The following FBXO46 variants were observed in gnomAD, a reference collection of about 807,000 sequenced individuals.
The protein encoded by FBXO46 is F-box only protein 46.
FBXO46 carries 13 observed loss-of-function variants against 30.7 expected under a neutral mutation model. The observed-to-expected ratio is 0.42, with a 90% CI of 0.28 to 0.67. FBXO46 has a LOEUF of 0.67. FBXO46 is among the 30% of genes least tolerant of loss of function. The pLI, the probability that FBXO46 is intolerant of heterozygous loss-of-function variation, is 0.21. For synonymous variants in FBXO46, 467 were observed against 385.8 expected (o/e 1.21, Z -2.47); for missense variants, 754 against 871.5 (o/e 0.87, Z 1.70).
chr19:45,714,328 G>A (rs1471958770), intron 1 of FBXO46: 3 of 151,952 alleles, frequency 2.0e-5, no homozygotes, highest in African/African-American at 4.8e-5. Context: ...GGATGGGGAT[G>A]AAAATCTGAG....
chr19:45,726,657 ATTGT>A (rs1192494298), intron 1 of FBXO46, among the ~76,000 whole-genome samples: 1 of 151,516 alleles, frequency 6.6e-6, no homozygotes, highest in Non-Finnish European at 1.5e-5. Context: ...AAAAAAAAAA[ATTGT>A]TTGTAGAGAT....
In FBXO46 at chr19:45,711,599, G is replaced by C. The variant is rs1245291246; in HGVS notation, c.*85C>G. ...AATGCTGCCTGGAGTAGGGGAATGGGCAGGCGGCCCAGTCCGGACCCTCGG... is the reference window on the plus strand; with the variant it reads ...AATGCTGCCTGGAGTAGGGGAATGGCCAGGCGGCCCAGTCCGGACCCTCGG... On this transcript the variant is annotated 3_prime_UTR_variant, in exon 2 of 2. Transcript: ENST00000317683. 8 of 1,048,896 alleles carry C rather than the reference G, an allele frequency of 7.6e-6. No individual in the cohort carries two copies. In the African/African-American group the frequency reaches 1.1e-4, roughly 14 times the overall value. The allele number at this position is 1,048,896 out of a possible 1,614,324, so 65.0% of individuals were successfully genotyped here.
intron 1 of FBXO46, among the ~76,000 whole-genome samples, chr19:45,718,396 A>C (rs1968129425): frequency 2.0e-5 from 3 of 152,060 alleles, no homozygotes; most frequent in Non-Finnish European, 4.4e-5. Flanking sequence ...CTGGGGTTTC[A>C]GCTCGACCAC....
rs781042109 is a variant in FBXO46, at chr19:45,712,837, C to T, written c.659G>A (p.Gly220Asp). 2.5e-6 allele frequency: 4 copies of T among 1,613,074 alleles called. No homozygotes were observed. Among genetic ancestry groups the T allele is most frequent in the Admixed American group, 1.7e-5 (1 of 59,984 alleles). The part of the protein sequence containing the change: ...AKGVGSERRS[G>D]GGDCSRVAEA... ...GGCTACACGGCTGCAGTCCCCACCACCGGACCGCCGTTCAGATCCCACCCC... is the reference window on the plus strand; with the variant it reads ...GGCTACACGGCTGCAGTCCCCACCATCGGACCGCCGTTCAGATCCCACCCC... The change falls in exon 2 of 2, where the codon GGT becomes GAT. Residue 220 changes from glycine (G) to aspartate (D), a missense_variant. Gly to Asp is a moderately conservative substitution (Grantham distance 94, BLOSUM62 -1). Around this residue, in one of 5 missense-constraint regions of FBXO46, gnomAD observed 454 missense variants for 426.5 expected, o/e 1.06. Coordinates refer to ENST00000317683, the MANE Select transcript of FBXO46 (RefSeq NM_001080469.2). This position sits in a 1 kb window ranked among gnomAD's most constrained non-coding sequence, Gnocchi z 8.8.
chr19:45,712,977 G>A lies in FBXO46; in HGVS notation c.519C>T (p.Ala173=), dbSNP rs778727139. Residue 173 remains alanine, a synonymous_variant, in exon 2 of 2, where the codon GCC becomes GCT. Coordinates refer to ENST00000317683, the MANE Select transcript of FBXO46 (RefSeq NM_001080469.2). This position sits in a 1 kb window ranked among gnomAD's most constrained non-coding sequence, Gnocchi z 8.8. ...GCTGTTCCACCAGGGCCACCATCTC[G>A]GCCACAGAGAGCAGGTCCACGTCCT... ...AGEDVDLLSV[A]EMVALVEQRA... The A allele has an allele frequency of 2.2e-5, 35 of 1,577,808 alleles. No homozygotes were observed. The highest frequency in any genetic ancestry group is 2.8e-5 in the Non-Finnish European group (32 of 1,161,206).
At chr19:45,732,001 C>T (rs990864297), upstream of FBXO46, among the ~76,000 whole-genome samples, 22 of 151,634 alleles carry the variant, frequency 1.5e-4, 1 homozygote, top group Admixed American at 1.2e-3. Context: ...CCTGTAGTCC[C>T]AGCTACTCGG....
intron 1 of FBXO46, among the ~76,000 whole-genome samples, chr19:45,727,756 A>G (rs1011169257): frequency 5.3e-5 from 8 of 152,212 alleles, no homozygotes; most frequent in African/African-American, 1.9e-4. Context: ...GTGAATTTAC[A>G]AAGTTGTCAA....
Position 45,711,740 on chromosome 19 carries a change from C to T in FBXO46, c.1756G>A (p.Val586Met). Reference protein sequence around the residue: ...CRLGLHDNNWVLPCNGPGGGR... With the variant: ...CRLGLHDNNWMLPCNGPGGGR... ...CCGCCTGGCCCATTGCAGGGCAGCA[C>T]CCAGTTGTTATCGTGGAGGCCCAGG... Residue 586 changes from valine to methionine, a missense_variant, in exon 2 of 2, where the codon GTG becomes ATG. Val to Met is a conservative substitution (Grantham distance 21). Coordinates refer to ENST00000317683, the MANE Select transcript of FBXO46 (RefSeq NM_001080469.2). The T allele has an allele frequency of 6.4e-7, 1 of 1,562,072 alleles. No individual in the cohort carries two copies. The highest frequency in any genetic ancestry group is 8.6e-7 in the Non-Finnish European group (1 of 1,159,100).
At chr19:45,720,097 A>T (rs1403899061) in intron 1 of FBXO46, among the ~76,000 whole-genome samples, 1 of 151,706 alleles carries the variant, frequency 6.6e-6, no homozygotes, top group African/African-American at 2.4e-5. Flanking sequence ...CCTGGGCTCA[A>T]GTGATCCTCC....
At chr19:45,722,559 G>A (rs1052846733) in intron 1 of FBXO46, among the ~76,000 whole-genome samples, 7 of 151,892 alleles carry the variant, frequency 4.6e-5, no homozygotes, top group Admixed American at 3.3e-4. Context: ...TCAGGAGATC[G>A]AGACCATCCT....
chr19:45,720,282 C>A (rs1200943179), intron 1 of FBXO46, among the ~76,000 whole-genome samples: 1 of 152,152 alleles, frequency 6.6e-6, no homozygotes, highest in Admixed American at 6.6e-5. Flanking sequence ...CAGGTGTGCG[C>A]CACCATGTCC....
intron 1 of FBXO46, chr19:45,714,488 C>A (rs1422153963): frequency 2.0e-5 from 3 of 152,082 alleles, no homozygotes; most frequent in Non-Finnish European, 2.9e-5. Context: ...TAAAGCACAG[C>A]CGTGGACCCG....
At chr19:45,718,378 T>C (rs980609766) in intron 1 of FBXO46, among the ~76,000 whole-genome samples, 9 of 152,194 alleles carry the variant, frequency 5.9e-5, no homozygotes, top group Admixed American at 1.3e-4. Context: ...TGTTTCACTA[T>C]ATATTCCCTG....
chr19:45,724,656 T>G (rs998486492), intron 1 of FBXO46, among the ~76,000 whole-genome samples: 2 of 151,772 alleles, frequency 1.3e-5, no homozygotes, highest in African/African-American at 4.8e-5. Flanking sequence ...AAAAAAAATT[T>G]CTTATTTTTT....
chr19:45,732,927 C>A (rs186845992), upstream of FBXO46, among the ~76,000 whole-genome samples: 2 of 151,988 alleles, frequency 1.3e-5, no homozygotes, highest in African/African-American at 4.8e-5. Flanking sequence ...ACCGAGTTCC[C>A]GTCTCACCGG....
At chr19:45,722,878 C>T (rs1170115507) in intron 1 of FBXO46, among the ~76,000 whole-genome samples, 3 of 151,732 alleles carry the variant, frequency 2.0e-5, no homozygotes, top group African/African-American at 7.3e-5. Context: ...CATAGTGACA[C>T]CTTGTCTCTA....
rs66796860 is a variant in FBXO46 at position 45,710,986 on chromosome 19, A to G, written c.*698T>C. Reference sequence around the variant, plus strand: ...GGGGTGGGGTTGATGGCAGTAGCTTAAATAATAACGGGAGGAGGAGGGTTT... The same window carrying G: ...GGGGTGGGGTTGATGGCAGTAGCTTGAATAATAACGGGAGGAGGAGGGTTT... On this transcript the variant is annotated 3_prime_UTR_variant, in exon 2 of 2. Transcript: ENST00000317683. The G allele has an allele frequency of 0.11, 25,339 of 233,358 alleles. 1,590 individuals are homozygous for G. Among genetic ancestry groups the G allele is most frequent in the Non-Finnish European group, 0.12 (13,978 of 117,150 alleles). 14.5% of individuals were successfully genotyped at this position (233,358 alleles called of 1,614,324 possible).
At chr19:45,731,846 G>A (rs1449157692), upstream of FBXO46, among the ~76,000 whole-genome samples, 1 of 151,330 alleles carries the variant, frequency 6.6e-6, no homozygotes, top group Non-Finnish European at 1.5e-5. Context: ...GGCCGGGCGC[G>A]GTGGCTCACG....
chr19:45,717,942 T>C (rs1043928466), intron 1 of FBXO46, among the ~76,000 whole-genome samples: 5 of 152,182 alleles, frequency 3.3e-5, no homozygotes, highest in African/African-American at 1.2e-4. Flanking sequence ...CATTCGGAGC[T>C]GCCAGTTCAG....
Sources: gnomAD v4.1 joint callset for allele counts (sites outside exome capture counted in the v4.1 genomes callset) on GRCh38, gnomAD v4.1.1 for gene constraint, gnomAD v4.1.1 regional missense constraint, Gnocchi (gnomAD v3.1) non-coding constraint, MANE v1.5 for transcripts, NCBI Gene and HGNC (gene_info 2026-07-23, HGNC 2026-07-21) for gene names.